The following NCK2 variants were observed in gnomAD, a reference collection of about 807,000 sequenced individuals.
The protein encoded by NCK2 is NCK adaptor protein 2, also known as cytoplasmic protein NCK2.
A neutral mutation model predicts 33.9 loss-of-function variants in NCK2; 16 were observed. The observed-to-expected ratio is 0.47, with a 90% CI of 0.32 to 0.72. The LOEUF (loss-of-function observed/expected upper bound fraction) is 0.72. Among genes scored for constraint, NCK2 ranks in the 30% least tolerant of loss-of-function variants. The pLI, the probability that NCK2 is intolerant of heterozygous loss-of-function variation, is 0.03. For synonymous variants in NCK2, 273 were observed against 239.9 expected, an observed-to-expected ratio of 1.14 and a Z score of -1.27; for missense variants, 418 against 537.3, an observed-to-expected ratio of 0.78 and a Z score of 2.19.
At chr2:105,869,838 A>G (rs1160301413) in intron 3 of NCK2, among the ~76,000 whole-genome samples, 5 of 152,218 alleles carry the variant, frequency 3.3e-5, no homozygotes, top group African/African-American at 1.2e-4. Flanking sequence ...AAAAATTTTT[A>G]ATTCTCTTCA....
At chr2:105,783,569 T>TAG (rs1690572213) in intron 1 of NCK2, among the ~76,000 whole-genome samples, 1 of 152,168 alleles carries the variant, frequency 6.6e-6, no homozygotes, top group South Asian at 2.1e-4. Flanking sequence ...GTGGGTGCAG[T>TAG]TACTAGGAAG....
At chr2:105,822,273 G>A (rs1040657198) in intron 2 of NCK2, among the ~76,000 whole-genome samples, 20 of 152,154 alleles carry the variant, frequency 1.3e-4, no homozygotes, top group African/African-American at 4.8e-4. Flanking sequence ...GGCCTCTGCT[G>A]CTCCTGAAGC....
At chr2:105,748,266 C>T (rs1445648451) in intron 1 of NCK2, among the ~76,000 whole-genome samples, 1 of 152,186 alleles carries the variant, frequency 6.6e-6, no homozygotes, top group Non-Finnish European at 1.5e-5. Context: ...TCGTCTCTTA[C>T]TTCTTTTCTT....
chr2:105,786,764 C>A (rs1690694815), intron 1 of NCK2, among the ~76,000 whole-genome samples: 1 of 152,190 alleles, frequency 6.6e-6, no homozygotes, highest in South Asian at 2.1e-4. Flanking sequence ...CTCTCTCCTC[C>A]CTTCTGCCTC....
intron 1 of NCK2, among the ~76,000 whole-genome samples, chr2:105,765,786 G>GGA (rs1553451276): frequency 6.8e-6 from 1 of 147,220 alleles, no homozygotes; most frequent in African/African-American, 2.5e-5. Context: ...TAGAATAGGG[G>GGA]GTGTGTGTGT....
At chr2:105,859,291 C>T (rs1677419534) in intron 3 of NCK2, among the ~76,000 whole-genome samples, 1 of 152,178 alleles carries the variant, frequency 6.6e-6, no homozygotes, top group Admixed American at 6.5e-5. Context: ...TAAGGGCTGA[C>T]TCACATTACC....
At position 105,894,175 on chromosome 2, in the gene NCK2, G is replaced by A. The variant is rs1679119737; in HGVS notation, c.*999G>A. Reference sequence around the variant, plus strand: ...TTATAGTTTAAATATAACGTCTTGAGATGGCACATTCCTACGATTGAAGAA... The same window carrying A: ...TTATAGTTTAAATATAACGTCTTGAAATGGCACATTCCTACGATTGAAGAA... On this transcript the variant is annotated 3_prime_UTR_variant, in exon 5 of 5. Transcript: ENST00000233154. 6.6e-6 allele frequency: 1 copy of A among 152,510 alleles called. No individual in the cohort carries two copies. The highest frequency in any genetic ancestry group is 2.1e-4 in the South Asian group (1 of 4,828). The allele number at this position is 152,510 out of a possible 1,614,324, so 9.4% of individuals were successfully genotyped here. A position where few individuals can be genotyped will look rare whatever the true frequency, so the allele number is the denominator to read the frequency against.
intron 2 of NCK2, among the ~76,000 whole-genome samples, chr2:105,818,884 G>A (rs182700115): frequency 5.3e-4 from 80 of 152,052 alleles, no homozygotes; most frequent in African/African-American, 1.7e-3. Context: ...CTTTCTCTTC[G>A]ACCACCTTAA....
chr2:105,835,393 A>ATATATATATGTGTGTG (rs1553458582), intron 2 of NCK2, among the ~76,000 whole-genome samples: 2 of 51,674 alleles, frequency 3.9e-5, no homozygotes, highest in Non-Finnish European at 7.3e-5. Context: ...ATACACATAT[A>ATATATATATGTGTGTG]TATATATATA....
At chr2:105,887,303 A>G (rs566885277) in intron 4 of NCK2, among the ~76,000 whole-genome samples, 44 of 152,324 alleles carry the variant, frequency 2.9e-4, no homozygotes, top group African/African-American at 1.0e-3. Flanking sequence ...TGTGGACAGA[A>G]GAGTGCCTTC....
chr2:105,861,498 C>T (rs545599477), intron 3 of NCK2, among the ~76,000 whole-genome samples: 211 of 148,254 alleles, frequency 1.4e-3, no homozygotes, highest in South Asian at 3.0e-3. Context: ...CTATTGGTGC[C>T]GTTGAGGTTT....
chr2:105,853,961 A>G (rs1677163463), intron 2 of NCK2: 1 of 152,240 alleles, frequency 6.6e-6, no homozygotes, highest in Non-Finnish European at 1.5e-5. Context: ...GATTCCAGCT[A>G]GAGCACCTTA....
chr2:105,878,890 A>G (rs1262834612), intron 3 of NCK2, among the ~76,000 whole-genome samples: 2 of 152,234 alleles, frequency 1.3e-5, no homozygotes, highest in Non-Finnish European at 2.9e-5. Flanking sequence ...GGCAGAAAGC[A>G]TGCCTGTCTG....
At chr2:105,797,401 T>C (rs1192953765) in intron 1 of NCK2, among the ~76,000 whole-genome samples, 3 of 152,220 alleles carry the variant, frequency 2.0e-5, no homozygotes, top group Non-Finnish European at 4.4e-5. Flanking sequence ...GGTTCCATAT[T>C]GTGCAATGCA....
At chr2:105,802,861 G>A (rs1011178605) in intron 1 of NCK2, among the ~76,000 whole-genome samples, 18 of 151,798 alleles carry the variant, frequency 1.2e-4, no homozygotes, top group African/African-American at 2.7e-4. Context: ...CTTTTTTGTC[G>A]CTTGCCACCC....
rs961246656 is a variant in NCK2, at chr2:105,750,557, A to T, written c.-201+5419A>T. 6.2e-4 allele frequency among the ~76,000 whole-genome samples: 94 copies of T among 152,328 alleles called. 1 individual carries two copies. The highest frequency in any genetic ancestry group is 9.6e-4 in the East Asian group (5 of 5,184). ...TTGGGGACACCTACCAGGGATGGTT[A>T]GAGTAGTCACAAGTAAGGAGGGAAC... On this transcript the variant is annotated intron_variant, in intron 1 of 4. Coordinates refer to ENST00000233154, the MANE Select transcript of NCK2 (RefSeq NM_003581.5).
chr2:105,864,201 G>A (rs1239689189), intron 3 of NCK2, among the ~76,000 whole-genome samples: 1 of 152,080 alleles, frequency 6.6e-6, no homozygotes, highest in Non-Finnish European at 1.5e-5. Context: ...GGGGTGTCCG[G>A]CAGGGGTCCT....
intron 4 of NCK2, among the ~76,000 whole-genome samples, chr2:105,882,953 C>T (rs1363925629): frequency 6.6e-6 from 1 of 152,178 alleles, no homozygotes; most frequent in Non-Finnish European, 1.5e-5. Flanking sequence ...CCACTGCTGT[C>T]CTCTGAAAAG....
Position 105,881,575 on chromosome 2 carries a change from C to T in NCK2, c.474C>T (p.Gly158=). The T allele has an allele frequency of 1.2e-6, 2 of 1,613,888 alleles. No individual in the cohort carries two copies. Among genetic ancestry groups the T allele is most frequent in the Non-Finnish European group, 1.7e-6 (2 of 1,180,012 alleles). ...WWRGSYNGQI[G]WFPSNYVLEE... Reference sequence around the variant, plus strand: ...GGGGCAGCTACAACGGGCAGATCGGCTGGTTCCCCTCCAACTACGTCTTGG... The same window carrying T: ...GGGGCAGCTACAACGGGCAGATCGGTTGGTTCCCCTCCAACTACGTCTTGG... Residue 158 remains glycine, a synonymous_variant, in exon 4 of 5, where the codon GGC becomes GGT. Coordinates refer to ENST00000233154, the MANE Select transcript of NCK2 (RefSeq NM_003581.5).
Sources: allele counts gnomAD v4.1 joint callset (sites outside exome capture counted in the v4.1 genomes callset), GRCh38; gene constraint gnomAD v4.1.1; transcripts MANE v1.5; gene names NCBI Gene and HGNC (gene_info 2026-07-23, HGNC 2026-07-21).